FBLN5: variants seen among roughly 807,000 people sequenced by gnomAD.
FBLN5 encodes the protein fibulin 5, also known as fibulin-5.
FBLN5 carries 24 observed loss-of-function variants against 61.6 expected under a neutral mutation model. That is an observed-to-expected ratio of 0.39 (90% CI 0.28 to 0.55). FBLN5 has a LOEUF of 0.55. FBLN5 is among the 20% of genes least tolerant of loss of function. The probability of loss-of-function intolerance (pLI) is 0.65; values close to 1 mark genes in which losing one functional copy is unlikely to be tolerated. For missense variants in FBLN5, 470 were observed against 594.1 expected (o/e 0.79, Z 2.17); for synonymous variants, 213 against 219.8 (o/e 0.97, Z 0.27).
intron 3 of FBLN5, chr14:91,939,949 T>G: frequency 2.2e-6 from 1 of 453,832 alleles, no homozygotes; most frequent in South Asian, 1.6e-5. Context: ...GTCAGAGAGA[T>G]GCTACAACAG....
intron 4 of FBLN5, among the ~76,000 whole-genome samples, chr14:91,905,303 C>A (rs149124099): frequency 0.012 from 1,798 of 152,234 alleles, 38 homozygotes; most frequent in African/African-American, 0.041. Context: ...TCACCTGCCC[C>A]CCTAGAGCTT....
At chr14:91,914,536 T>C (rs1891105561) in intron 4 of FBLN5, among the ~76,000 whole-genome samples, 1 of 147,200 alleles carries the variant, frequency 6.8e-6, no homozygotes, top group African/African-American at 2.5e-5. Flanking sequence ...AGTACATACC[T>C]GTGGTCCCAG....
intron 4 of FBLN5, among the ~76,000 whole-genome samples, chr14:91,931,378 G>A (rs768061293): frequency 1.3e-5 from 2 of 152,190 alleles, no homozygotes; most frequent in Admixed American, 6.5e-5. Context: ...CTAGGCCAGA[G>A]CCTGGCACCA....
chr14:91,901,618 G>T (rs936270043), intron 4 of FBLN5, among the ~76,000 whole-genome samples: 1 of 152,168 alleles, frequency 6.6e-6, no homozygotes, highest in East Asian at 1.9e-4. Flanking sequence ...CCCAGCCAAG[G>T]CTGGAAGCTA....
chr14:91,917,987 C>T (rs1427295036), intron 4 of FBLN5, among the ~76,000 whole-genome samples: 1 of 152,184 alleles, frequency 6.6e-6, no homozygotes, highest in Non-Finnish European at 1.5e-5. Context: ...GACTAAGCCT[C>T]CCTCTGAAGC....
chr14:91,889,530 CA>C (rs1184493741), intron 6 of FBLN5, among the ~76,000 whole-genome samples: 1 of 152,206 alleles, frequency 6.6e-6, no homozygotes, highest in East Asian at 1.9e-4. Context: ...TGACTTTGGC[CA>C]AGTTGCTTAA....
intron 4 of FBLN5, among the ~76,000 whole-genome samples, chr14:91,935,340 G>A (rs1419255227): frequency 6.6e-6 from 1 of 152,170 alleles, no homozygotes; most frequent in Non-Finnish European, 1.5e-5. Context: ...GAGCTTGCCC[G>A]AGGCATCAGC....
At chr14:91,896,518 C>T (rs1890233319) in intron 4 of FBLN5, among the ~76,000 whole-genome samples, 1 of 152,182 alleles carries the variant, frequency 6.6e-6, no homozygotes, top group Admixed American at 6.5e-5. Flanking sequence ...GTGCCTGACA[C>T]CTACCTTGTT....
At chr14:91,907,347 C>T (rs553450829) in intron 4 of FBLN5, among the ~76,000 whole-genome samples, 2 of 152,312 alleles carry the variant, frequency 1.3e-5, no homozygotes, top group Non-Finnish European at 1.5e-5. Context: ...CAGCCCGAAA[C>T]CACCTGCCTC....
chr14:91,911,671 C>G (rs1035927147), intron 4 of FBLN5, among the ~76,000 whole-genome samples: 1 of 152,248 alleles, frequency 6.6e-6, no homozygotes, highest in Non-Finnish European at 1.5e-5. Context: ...GAGGTCTCTT[C>G]TATCTGGAAA....
chr14:91,915,512 C>T (rs990591918), intron 4 of FBLN5, among the ~76,000 whole-genome samples: 1 of 151,486 alleles, frequency 6.6e-6, no homozygotes, highest in African/African-American at 2.4e-5. Flanking sequence ...GGTGAAACCC[C>T]GTCTCTATTA....
At chr14:91,938,660 CA>C (rs1835420568) in intron 3 of FBLN5, among the ~76,000 whole-genome samples, 1 of 152,090 alleles carries the variant, frequency 6.6e-6, no homozygotes, top group African/African-American at 2.4e-5. Context: ...AGGGTACAGA[CA>C]GGGGAGGCCT....
chr14:91,917,575 C>CAAAAAAA (rs34458933), intron 4 of FBLN5, among the ~76,000 whole-genome samples: 162 of 63,344 alleles, frequency 2.6e-3, no homozygotes, highest in Non-Finnish European at 3.1e-3. Context: ...GACTCCATCT[C>CAAAAAAA]AAAAAAAAAA....
chr14:91,923,466 G>A (rs574044871), intron 4 of FBLN5, among the ~76,000 whole-genome samples: 2 of 152,294 alleles, frequency 1.3e-5, no homozygotes, highest in East Asian at 3.9e-4. Flanking sequence ...CAGGTGACCG[G>A]TTGACTCATG....
chr14:91,914,990 T>C (rs1352988863), intron 4 of FBLN5, among the ~76,000 whole-genome samples: 4 of 151,832 alleles, frequency 2.6e-5, no homozygotes. Flanking sequence ...TGAAACCCCA[T>C]CTCTACTAAA....
chr14:91,926,889 G>T (rs943260133), intron 4 of FBLN5, among the ~76,000 whole-genome samples: 1 of 152,130 alleles, frequency 6.6e-6, no homozygotes, highest in African/African-American at 2.4e-5. Context: ...ATTCCCGGAA[G>T]ATAAGCATCA....
chr14:91,926,512 G>C (rs1301567903), intron 4 of FBLN5, among the ~76,000 whole-genome samples: 2 of 152,210 alleles, frequency 1.3e-5, no homozygotes, highest in Non-Finnish European at 2.9e-5. Context: ...CCCAGAGAAA[G>C]GCTCGAAAGC....
chr14:91,906,205 C>T (rs147766968), intron 4 of FBLN5, among the ~76,000 whole-genome samples: 1,805 of 152,294 alleles, frequency 0.012, 38 homozygotes, highest in African/African-American at 0.041. Flanking sequence ...TTTTTGGTTA[C>T]AGACCAACCC....
intron 1 of FBLN5, among the ~76,000 whole-genome samples, chr14:91,944,070 C>T (rs1475962505): frequency 6.6e-6 from 1 of 152,140 alleles, no homozygotes; most frequent in Non-Finnish European, 1.5e-5. Flanking sequence ...TGGCTCATGC[C>T]TGTAATCCCA....
Sources: gnomAD v4.1 joint callset for allele counts (sites outside exome capture counted in the v4.1 genomes callset) on GRCh38, gnomAD v4.1.1 for gene constraint, MANE v1.5 for transcripts, NCBI Gene and HGNC (gene_info 2026-07-23, HGNC 2026-07-21) for gene names.